Variants in SYT17 observed in about 807,000 individuals in gnomAD.
SYT17 encodes the protein synaptotagmin 17.
In SYT17, 22 loss-of-function variants were observed where a neutral mutation model predicts 46.7. The observed-to-expected ratio is 0.47, with a 90% confidence interval of 0.34 to 0.67. The LOEUF is 0.67. Ranked by LOEUF, SYT17 falls within the 30% of genes least tolerant of loss-of-function variation. The probability of loss-of-function intolerance (pLI) is 0.01; values close to 1 mark genes in which losing one functional copy is unlikely to be tolerated. For missense variants in SYT17, 519 were observed against 612.8 expected, an observed-to-expected ratio of 0.85 and a Z score of 1.62; for synonymous variants, 251 against 248.4, an observed-to-expected ratio of 1.01 and a Z score of -0.10.
chr16:19,258,285 G>T (rs1453850870), intron 7 of SYT17, among the ~76,000 whole-genome samples: 5 of 152,090 alleles, frequency 3.3e-5, no homozygotes, highest in Admixed American at 2.6e-4. Context: ...GGCGGGAAGG[G>T]TGGCAATTGT....
Position 19,173,385 on chromosome 16 carries a change from TCCCCTCTCCCCCATCCCCCCGCCCACCTC to T in SYT17, c.34-40_34-12del. 1.8e-5 allele frequency: 1 copy of T among 56,728 alleles called. No individual in the cohort carries two copies. 3.5% of individuals were successfully genotyped at this position (56,728 alleles called of 1,614,324 possible). A position where few individuals can be genotyped will look rare whatever the true frequency, so the allele number is the denominator to read the frequency against. On this transcript the variant is annotated splice_polypyrimidine_tract_variant and intron_variant, in intron 2 of 7. Coordinates refer to ENST00000355377, the MANE Select transcript of SYT17 (RefSeq NM_016524.4). ...CTTCCTCTTCCCCACCCTGCCCACCTCCCCTCTCCCCCATCCCCCCGCCCACCTCCCCCAATGGCCTCAGGGTTTTCTTT... is the reference window on the plus strand; with the variant it reads ...CTTCCTCTTCCCCACCCTGCCCACCTCCCCAATGGCCTCAGGGTTTTCTTT...
intron 5 of SYT17, among the ~76,000 whole-genome samples, chr16:19,212,525 G>A (rs1439264984): frequency 1.3e-5 from 2 of 152,116 alleles, no homozygotes; most frequent in Non-Finnish European, 2.9e-5. Flanking sequence ...GGAGGCTGAG[G>A]CACAAGAATC....
chr16:19,236,978 A>G (rs968176566), intron 7 of SYT17, among the ~76,000 whole-genome samples: 3 of 152,236 alleles, frequency 2.0e-5, no homozygotes, highest in African/African-American at 7.2e-5. Flanking sequence ...TTGCTAGGCT[A>G]GCCAAGAGTC....
intron 7 of SYT17, among the ~76,000 whole-genome samples, chr16:19,231,985 G>A (rs537498883): frequency 1.3e-5 from 2 of 152,332 alleles, no homozygotes; most frequent in Non-Finnish European, 2.9e-5. Flanking sequence ...GAGCTGACAC[G>A]TGAGCTGGGA....
At chr16:19,234,118 G>T (rs1217289605) in intron 7 of SYT17, among the ~76,000 whole-genome samples, 3 of 152,132 alleles carry the variant, frequency 2.0e-5, no homozygotes, top group Non-Finnish European at 4.4e-5. Flanking sequence ...TTGAGGCCAG[G>T]AGTTCAAGAC....
intron 7 of SYT17, among the ~76,000 whole-genome samples, chr16:19,264,636 C>G (rs1969238655): frequency 1.3e-5 from 2 of 150,510 alleles, no homozygotes. Context: ...CTTTGCTACC[C>G]AGGCTAGAGC....
chr16:19,200,999 C>T (rs1039367116), intron 5 of SYT17, among the ~76,000 whole-genome samples: 10 of 152,262 alleles, frequency 6.6e-5, no homozygotes, highest in East Asian at 1.9e-4. Context: ...GGGGCAGCTC[C>T]GACTCCCCAC....
rs1246351314 is a variant in SYT17 at position 19,262,511 on chromosome 16, A to G, written c.1229-4369A>G. 2.0e-5 allele frequency among the ~76,000 whole-genome samples: 3 copies of G among 152,200 alleles called. No homozygotes were observed. In the East Asian group the frequency reaches 5.8e-4, roughly 29 times the overall value. ...AGCCCAGCAGACTAAGAAAGGGGAA[A>G]GAGTCCTCTTTGTCATAGGAAAAAG... On this transcript the variant is annotated intron_variant, in intron 7 of 7. Coordinates refer to ENST00000355377, the MANE Select transcript of SYT17 (RefSeq NM_016524.4).
intron 5 of SYT17, among the ~76,000 whole-genome samples, chr16:19,220,149 A>G (rs1473405157): frequency 6.6e-6 from 1 of 152,048 alleles, no homozygotes; most frequent in East Asian, 1.9e-4. Flanking sequence ...ATACTTGGAT[A>G]CCCAGGGCAG....
chr16:19,266,823 T>C, intron 7 of SYT17, 57 bp from the exon 8 acceptor site: 1 of 1,530,908 alleles, frequency 6.5e-7, no homozygotes, highest in East Asian at 2.3e-5. Context: ...TGCCTTCCTG[T>C]TCTGTTCCCC....
chr16:19,245,992 A>G (rs1305170697), intron 7 of SYT17, among the ~76,000 whole-genome samples: 1 of 151,640 alleles, frequency 6.6e-6, no homozygotes, highest in Non-Finnish European at 1.5e-5. Context: ...TAATTCCTAT[A>G]TTTTGTATAT....
rs946249299 is a variant in SYT17, at chr16:19,183,066, T to A, written c.332-462T>A. Among the ~76,000 whole-genome samples, 7 of 152,148 alleles carry A rather than the reference T, an allele frequency of 4.6e-5. No individual in the cohort carries two copies. Among genetic ancestry groups the A allele is most frequent in the Non-Finnish European group, 1.0e-4 (7 of 68,034 alleles). ...ATGGAATTCCACCCAGGCACTCTGG[T>A]CCCAGAGCTCACTCTCTTAAAGTGG... is the stretch of plus-strand genomic sequence containing the variant. On this transcript the variant is annotated intron_variant, in intron 4 of 7. Coordinates refer to ENST00000355377, the MANE Select transcript of SYT17 (RefSeq NM_016524.4). This position sits in a 1 kb window ranked among gnomAD's most constrained non-coding sequence, Gnocchi z 5.6.
At chr16:19,190,494 A>G (rs539159217) in intron 5 of SYT17, among the ~76,000 whole-genome samples, 70 of 152,302 alleles carry the variant, frequency 4.6e-4, no homozygotes, top group African/African-American at 1.6e-3. Flanking sequence ...TTGTTGTGCA[A>G]CCATCACCAC....
intron 4 of SYT17, among the ~76,000 whole-genome samples, chr16:19,180,747 A>G (rs1304226153): frequency 6.6e-6 from 1 of 152,196 alleles, no homozygotes; most frequent in Non-Finnish European, 1.5e-5. Flanking sequence ...AAAAGCAATC[A>G]TTTTGATTGA....
intron 7 of SYT17, among the ~76,000 whole-genome samples, chr16:19,236,453 G>T (rs1359145119): frequency 6.6e-6 from 1 of 152,102 alleles, no homozygotes; most frequent in African/African-American, 2.4e-5. Context: ...ACCCAAAACT[G>T]CCCTCACTTC....
At position 19,173,414 on chromosome 16, in the gene SYT17, C is replaced by G; in HGVS notation, c.34-16C>G. ...CTCTCCCCCATCCCCCCGCCCACCTCCCCCAATGGCCTCAGGGTTTTCTTT... is the reference window on the plus strand; with the variant it reads ...CTCTCCCCCATCCCCCCGCCCACCTGCCCCAATGGCCTCAGGGTTTTCTTT... On this transcript the variant is annotated splice_polypyrimidine_tract_variant and intron_variant, in intron 2 of 7. Coordinates refer to ENST00000355377, the MANE Select transcript of SYT17 (RefSeq NM_016524.4). The G allele has an allele frequency of 1.5e-6, 2 of 1,343,210 alleles. No homozygotes were observed. The highest frequency in any genetic ancestry group is 2.1e-6 in the Non-Finnish European group (2 of 974,738). The allele number at this position is 1,343,210 out of a possible 1,614,324, so 83.2% of individuals were successfully genotyped here.
intron 5 of SYT17, among the ~76,000 whole-genome samples, chr16:19,198,721 C>T (rs567367810): frequency 6.6e-6 from 1 of 152,294 alleles, no homozygotes; most frequent in Middle Eastern, 3.4e-3. Flanking sequence ...GAATAACAAC[C>T]CCAACATCAA....
intron 7 of SYT17, among the ~76,000 whole-genome samples, chr16:19,254,379 A>G (rs1968407020): frequency 6.6e-6 from 1 of 152,182 alleles, no homozygotes; most frequent in Admixed American, 6.5e-5. Context: ...CTGACTGCAC[A>G]TGAGATTCAC....
chr16:19,174,222 C>T (rs1340713163), intron 3 of SYT17, among the ~76,000 whole-genome samples: 1 of 152,236 alleles, frequency 6.6e-6, no homozygotes, highest in Admixed American at 6.5e-5. Flanking sequence ...TACAACATCT[C>T]CATCTGCCAG....
Sources: allele counts gnomAD v4.1 joint callset (sites outside exome capture counted in the v4.1 genomes callset), GRCh38; gene constraint gnomAD v4.1.1; non-coding constraint Gnocchi (gnomAD v3.1); transcripts MANE v1.5; gene names NCBI Gene and HGNC (gene_info 2026-07-23, HGNC 2026-07-21).